The following TMEM108 variants were observed in gnomAD, a reference collection of about 807,000 sequenced individuals.
TMEM108 encodes the protein transmembrane protein 108, also known as cancer/testis antigen 124.
TMEM108 carries 12 observed loss-of-function variants against 35.1 expected under a neutral mutation model. The ratio of observed to expected loss-of-function variants is 0.34; its 90% CI spans 0.22 to 0.55. The LOEUF (loss-of-function observed/expected upper bound fraction) is 0.55. TMEM108 is among the 20% of genes least tolerant of loss of function. TMEM108 has a pLI of 0.89. For missense variants in TMEM108, 680 were observed against 753.3 expected (o/e 0.90, Z 1.14); for synonymous variants, 287 against 308.6 (o/e 0.93, Z 0.73).
chr3:133,136,231 T>C (rs1342940738), intron 2 of TMEM108, among the ~76,000 whole-genome samples: 1 of 152,234 alleles, frequency 6.6e-6, no homozygotes. Flanking sequence ...TCTTGACTGG[T>C]AGGACCTCTT....
intron 2 of TMEM108, among the ~76,000 whole-genome samples, chr3:133,108,212 C>A (rs1944180628): frequency 1.3e-5 from 2 of 152,262 alleles, no homozygotes; most frequent in African/African-American, 4.8e-5. Context: ...GCCTGAGCGA[C>A]AGAGTGACAC....
At chr3:133,175,279 C>T (rs58580906) in intron 2 of TMEM108, among the ~76,000 whole-genome samples, 2,596 of 152,236 alleles carry the variant, frequency 0.017, 96 homozygotes, top group African/African-American at 0.058. Context: ...AGAACTTCCC[C>T]AACCTAGCAA....
chr3:133,127,353 G>A (rs571670774), intron 2 of TMEM108, among the ~76,000 whole-genome samples: 5 of 152,352 alleles, frequency 3.3e-5, no homozygotes, highest in African/African-American at 1.2e-4. Flanking sequence ...ATGTTGGACA[G>A]CACAGAAAGG....
intron 2 of TMEM108, among the ~76,000 whole-genome samples, chr3:133,190,007 C>T (rs1178341186): frequency 1.3e-5 from 2 of 152,078 alleles, no homozygotes; most frequent in African/African-American, 4.8e-5. Flanking sequence ...GAAGCCCGTA[C>T]CCCAAGAGGG....
chr3:133,278,214 G>A (rs745624701), intron 3 of TMEM108, among the ~76,000 whole-genome samples: 29 of 152,232 alleles, frequency 1.9e-4, no homozygotes, highest in Non-Finnish European at 1.6e-4. Flanking sequence ...AGAAAAAAAT[G>A]TCTGGAGCTG....
chr3:133,390,791 G>A (rs1267785246), intron 5 of TMEM108, among the ~76,000 whole-genome samples: 1 of 152,216 alleles, frequency 6.6e-6, no homozygotes, highest in African/African-American at 2.4e-5. Context: ...ACCCAAGGAG[G>A]AAAGCCTTCC....
intron 2 of TMEM108, among the ~76,000 whole-genome samples, chr3:133,095,818 T>C (rs551825076): frequency 4.5e-4 from 69 of 152,324 alleles, no homozygotes; most frequent in African/African-American, 1.6e-3. Context: ...CACCCGATGC[T>C]CACCTCCTAC....
rs568403531 is a variant in TMEM108, at chr3:133,251,957, G to A, written c.40+22606G>A. 3.3e-5 allele frequency among the ~76,000 whole-genome samples: 5 copies of A among 152,232 alleles called. No homozygotes were observed. The East Asian group carries it at 9.7e-4, about 29-fold the overall frequency. On this transcript the variant is annotated intron_variant, in intron 3 of 5. Coordinates refer to ENST00000321871, the MANE Select transcript of TMEM108 (RefSeq NM_023943.4). ...ATATGTAGTAAAATAAAGGTAATAG[G>A]CATGTTTTTCAGACATAACTAATTC...
Position 133,395,958 on chromosome 3 carries a change from T to C in TMEM108, c.1700T>C (p.Val567Ala), listed in dbSNP as rs749664323. 6 of 1,603,138 alleles carry C rather than the reference T, an allele frequency of 3.7e-6. No individual in the cohort carries two copies. Among genetic ancestry groups the C allele is most frequent in the South Asian group, 2.2e-5 (2 of 89,286 alleles). Residue 567 changes from valine to alanine, a missense_variant, in exon 6 of 6, where the codon GTG becomes GCG. Physicochemically the swap from Val to Ala is moderately conservative, Grantham distance 64. Around this residue, in one of 3 missense-constraint regions of TMEM108, gnomAD observed 105 missense variants for 150.7 expected, o/e 0.70. Coordinates refer to ENST00000321871, the MANE Select transcript of TMEM108 (RefSeq NM_023943.4). Reference protein sequence around the residue: ...VNPFCQETLFVGNDQVSEI With the variant: ...VNPFCQETLFAGNDQVSEI ...CCCTTCTGTCAAGAAACACTGTTTGTGGGAAACGATCAAGTATCTGAGATC... is the reference window on the plus strand; with the variant it reads ...CCCTTCTGTCAAGAAACACTGTTTGCGGGAAACGATCAAGTATCTGAGATC...
intron 3 of TMEM108, among the ~76,000 whole-genome samples, chr3:133,299,399 A>G (rs998774395): frequency 6.6e-6 from 1 of 152,114 alleles, no homozygotes; most frequent in Admixed American, 6.5e-5. Flanking sequence ...GTTCTCTAGA[A>G]TTTCTGTATA....
chr3:133,054,472 G>C (rs1008950476), intron 2 of TMEM108, among the ~76,000 whole-genome samples: 1 of 152,112 alleles, frequency 6.6e-6, no homozygotes, highest in African/African-American at 2.4e-5. Flanking sequence ...TGACATCTTC[G>C]ACAAGTGTTG....
At chr3:133,378,822 T>A (rs1280266438) in intron 3 of TMEM108, among the ~76,000 whole-genome samples, 1 of 132,692 alleles carries the variant, frequency 7.5e-6, no homozygotes, top group Non-Finnish European at 1.6e-5. Flanking sequence ...TTTTTTTTTT[T>A]AATGTTCAAA....
chr3:133,134,313 C>T (rs1027008861), intron 2 of TMEM108, among the ~76,000 whole-genome samples: 2 of 151,990 alleles, frequency 1.3e-5, no homozygotes, highest in East Asian at 3.8e-4. Context: ...ATGTTCTATA[C>T]ATCTAAAAGT....
intron 2 of TMEM108, among the ~76,000 whole-genome samples, chr3:133,119,887 T>C (rs1490493296): frequency 6.6e-6 from 1 of 152,236 alleles, no homozygotes; most frequent in Non-Finnish European, 1.5e-5. Context: ...CTGGTACAAT[T>C]ACATCCTTTT....
chr3:133,380,525 G>A lies in TMEM108; in HGVS notation c.814G>A (p.Gly272Arg), dbSNP rs1170063794. The change falls in exon 4 of 6, where the codon GGG becomes AGG. Residue 272 changes from glycine (G) to arginine (R), a missense_variant. Around this residue, in one of 3 missense-constraint regions of TMEM108, gnomAD observed 526 missense variants for 532.1 expected, o/e 0.99. Transcript: ENST00000321871. The surrounding 1 kb of genome is among the most constrained non-coding windows in gnomAD (Gnocchi z 5.3). The part of the protein sequence containing the change: ...TSWAPTTTSL[G>R]PAKDKPGLRR... Reference sequence around the variant, plus strand: ...ATGGGCACCCACCACCACCTCCCTGGGGCCTGCAAAGGACAAGCCAGGCCT... The same window carrying A: ...ATGGGCACCCACCACCACCTCCCTGAGGCCTGCAAAGGACAAGCCAGGCCT... 1.9e-6 allele frequency: 3 copies of A among 1,613,794 alleles called. No individual in the cohort carries two copies. In the African/African-American group the frequency reaches 4.0e-5, roughly 22 times the overall value.
chr3:133,282,032 C>G (rs1273880785), intron 3 of TMEM108, among the ~76,000 whole-genome samples: 2 of 152,118 alleles, frequency 1.3e-5, no homozygotes. Context: ...TGGCAGGCAC[C>G]TGTAGTCCCA....
rs147378257 is a variant in TMEM108, at chr3:133,063,915, A to G, written c.-47+17895A>G. The stretch of plus-strand genomic sequence containing the variant: ...ACAGTAGAGGTCATGGAACATTCTC[A>G]TGTTTTATTCAACTTTGTGGATCAC... On this transcript the variant is annotated intron_variant, in intron 2 of 5. Transcript: ENST00000321871. 8.0e-3 allele frequency among the ~76,000 whole-genome samples: 1,213 copies of G among 152,274 alleles called. 21 individuals carry two copies. Among genetic ancestry groups the G allele is most frequent in the African/African-American group, 0.027 (1,122 of 41,556 alleles).
chr3:133,222,818 A>G (rs1387068760), intron 2 of TMEM108, among the ~76,000 whole-genome samples: 1 of 151,742 alleles, frequency 6.6e-6, no homozygotes, highest in East Asian at 1.9e-4. Flanking sequence ...GTTTCTCTGC[A>G]CTTAACTTCC....
intron 2 of TMEM108, among the ~76,000 whole-genome samples, chr3:133,126,470 C>G (rs1044067697): frequency 4.0e-5 from 6 of 150,172 alleles, no homozygotes; most frequent in African/African-American, 1.5e-4. Context: ...TTGTCCCCGC[C>G]CCCCCCAGAA....
Sources: gnomAD v4.1 joint callset for allele counts (sites outside exome capture counted in the v4.1 genomes callset) on GRCh38, gnomAD v4.1.1 for gene constraint, gnomAD v4.1.1 regional missense constraint, Gnocchi (gnomAD v3.1) non-coding constraint, MANE v1.5 for transcripts, NCBI Gene and HGNC (gene_info 2026-07-23, HGNC 2026-07-21) for gene names.